ARHGAP26: variants seen among roughly 807,000 people sequenced by gnomAD.
ARHGAP26 encodes Rho GTPase activating protein 26, also known as rho GTPase-activating protein 26.
In ARHGAP26, 38 loss-of-function variants were observed where a neutral mutation model predicts 104.8. That is an observed-to-expected ratio of 0.36 (90% CI 0.28 to 0.48). The LOEUF is 0.48. ARHGAP26 is among the 20% of genes least tolerant of loss of function. The pLI, the probability that ARHGAP26 is intolerant of heterozygous loss-of-function variation, is 0.99. For missense variants in ARHGAP26, 704 were observed against 947.9 expected, an observed-to-expected ratio of 0.74 and a Z score of 3.38; for synonymous variants, 341 against 340.0, an observed-to-expected ratio of 1.00 and a Z score of -0.03.
intron 12 of ARHGAP26, among the ~76,000 whole-genome samples, chr5:143,033,210 T>C (rs1782143171): frequency 6.6e-6 from 1 of 152,226 alleles, no homozygotes; most frequent in Non-Finnish European, 1.5e-5. Context: ...AAGACCTTTA[T>C]GTGTAACATC....
At chr5:142,945,237 G>A (rs773218051) in intron 11 of ARHGAP26, among the ~76,000 whole-genome samples, 33 of 152,298 alleles carry the variant, frequency 2.2e-4, no homozygotes, top group Non-Finnish European at 3.5e-4. Flanking sequence ...TGAGGGATAT[G>A]GGTCTCTGCC....
At chr5:143,152,282 C>T (rs1799941827) in intron 20 of ARHGAP26, among the ~76,000 whole-genome samples, 1 of 151,936 alleles carries the variant, frequency 6.6e-6, no homozygotes, top group African/African-American at 2.4e-5. Context: ...CAGTGTATCG[C>T]GTTAATGCAA....
intron 20 of ARHGAP26, among the ~76,000 whole-genome samples, chr5:143,204,164 T>G (rs1162764398): frequency 6.6e-6 from 1 of 152,222 alleles, no homozygotes; most frequent in Non-Finnish European, 1.5e-5. Context: ...GCAGTCACTT[T>G]ATACCAAATG....
At chr5:142,902,213 G>A (rs1261221925) in intron 7 of ARHGAP26, among the ~76,000 whole-genome samples, 174 bp downstream of exon 7, 1 of 152,148 alleles carries the variant, frequency 6.6e-6, no homozygotes, top group Non-Finnish European at 1.5e-5. Context: ...GTGGTTCTGA[G>A]TTAGACCATC....
Position 142,932,210 on chromosome 5 carries a change from T to C in ARHGAP26, c.1107+85T>C, listed in dbSNP as rs1044419017. On this transcript the variant is annotated intron_variant, in intron 11 of 22. Coordinates refer to ENST00000645722, the MANE Select transcript of ARHGAP26 (RefSeq NM_001135608.3). Reference sequence around the variant, plus strand: ...CCTAGTGCAGTGATTTTTGCTGCTGTTCTAAAGCCTTGGGTTCTTGAAACC... The same window carrying C: ...CCTAGTGCAGTGATTTTTGCTGCTGCTCTAAAGCCTTGGGTTCTTGAAACC... The C allele has an allele frequency of 3.0e-5, 39 of 1,291,656 alleles. 1 individual carries two copies. Among genetic ancestry groups the C allele is most frequent in the South Asian group, 2.7e-4 (23 of 84,184 alleles). 80.0% of individuals were successfully genotyped at this position (1,291,656 alleles called of 1,614,324 possible).
intron 11 of ARHGAP26, among the ~76,000 whole-genome samples, chr5:142,995,727 G>A (rs964663184): frequency 2.0e-5 from 3 of 152,086 alleles, no homozygotes; most frequent in Admixed American, 6.6e-5. Context: ...GTTTATTGAG[G>A]CACTATTCAC....
At chr5:142,891,949 C>T (rs1313507315) in intron 5 of ARHGAP26, among the ~76,000 whole-genome samples, 1 of 151,942 alleles carries the variant, frequency 6.6e-6, no homozygotes, top group Non-Finnish European at 1.5e-5. Context: ...TACTTCCCAG[C>T]ATAGCATCTT....
intron 1 of ARHGAP26, among the ~76,000 whole-genome samples, chr5:142,784,367 A>G (rs1480191302): frequency 6.6e-6 from 1 of 152,102 alleles, no homozygotes; most frequent in Non-Finnish European, 1.5e-5. Flanking sequence ...ACTTCATACC[A>G]TACTGCAAGG....
At chr5:142,852,886 A>G (rs182156076) in intron 1 of ARHGAP26, among the ~76,000 whole-genome samples, 1 of 152,230 alleles carries the variant, frequency 6.6e-6, no homozygotes, top group Non-Finnish European at 1.5e-5. Flanking sequence ...CTGTCTCTGC[A>G]TGTCCTGTTG....
intron 20 of ARHGAP26, among the ~76,000 whole-genome samples, chr5:143,162,980 G>A (rs1801452996): frequency 6.6e-6 from 1 of 152,032 alleles, no homozygotes; most frequent in Admixed American, 6.5e-5. Context: ...AGCTGAGTGT[G>A]GTGGTATGCG....
At chr5:142,840,668 G>T (rs1406341137) in intron 1 of ARHGAP26, among the ~76,000 whole-genome samples, 1 of 152,174 alleles carries the variant, frequency 6.6e-6, no homozygotes, top group African/African-American at 2.4e-5. Context: ...GTCAGTAGAG[G>T]CATCAGAAAA....
At chr5:142,807,519 A>G (rs1479781022) in intron 1 of ARHGAP26, among the ~76,000 whole-genome samples, 3 of 152,214 alleles carry the variant, frequency 2.0e-5, no homozygotes, top group Non-Finnish European at 4.4e-5. Flanking sequence ...CATGCTTAGC[A>G]AAACCTCCCT....
chr5:142,828,172 T>C (rs976041411), intron 1 of ARHGAP26, among the ~76,000 whole-genome samples: 5 of 152,230 alleles, frequency 3.3e-5, no homozygotes, highest in Non-Finnish European at 1.5e-5. Flanking sequence ...CGCTGGCAGA[T>C]TGTATGAAAT....
At chr5:142,824,815 A>G (rs1766904336) in intron 1 of ARHGAP26, among the ~76,000 whole-genome samples, 1 of 152,240 alleles carries the variant, frequency 6.6e-6, no homozygotes, top group African/African-American at 2.4e-5. Context: ...CAAGAGTGCC[A>G]CGGAAGGGGC....
intron 17 of ARHGAP26, among the ~76,000 whole-genome samples, chr5:143,076,090 C>T (rs2150404928): frequency 6.6e-6 from 1 of 152,134 alleles, no homozygotes; most frequent in South Asian, 2.1e-4. Flanking sequence ...GCCTGGACCT[C>T]CTGGGCTAAG....
intron 8 of ARHGAP26, among the ~76,000 whole-genome samples, chr5:142,905,873 G>A (rs1488518477): frequency 4.6e-5 from 7 of 152,220 alleles, no homozygotes; most frequent in Non-Finnish European, 5.9e-5. Context: ...ACTACAGTCC[G>A]TATTCCAGTT....
intron 11 of ARHGAP26, among the ~76,000 whole-genome samples, chr5:142,933,531 C>T (rs1440940406): frequency 2.6e-5 from 4 of 152,126 alleles, no homozygotes; most frequent in Admixed American, 6.5e-5. Flanking sequence ...CTCTTAGAGC[C>T]GAGAAGGGAG....
intron 12 of ARHGAP26, among the ~76,000 whole-genome samples, chr5:143,033,592 C>G (rs1301255085): frequency 1.3e-5 from 2 of 152,140 alleles, no homozygotes; most frequent in African/African-American, 4.8e-5. Context: ...CTGTCAGATG[C>G]TAGGTTCTTT....
At position 143,157,990 on chromosome 5, in the gene ARHGAP26, T is replaced by A. The variant is rs76606311; in HGVS notation, c.1988+10609T>A. ...GGTAGCAATAATAATAATACCTACT[T>A]TCAAGGTTATAAGATAATGCCTTCC... On this transcript the variant is annotated intron_variant, in intron 20 of 22. Coordinates refer to ENST00000645722, the MANE Select transcript of ARHGAP26 (RefSeq NM_001135608.3). Among the ~76,000 whole-genome samples the A allele has an allele frequency of 1.6e-3, 242 of 152,310 alleles. 2 individuals carry two copies. In the East Asian group the frequency reaches 0.044, roughly 28 times the overall value.
Sources: allele counts gnomAD v4.1 joint callset (sites outside exome capture counted in the v4.1 genomes callset), GRCh38; gene constraint gnomAD v4.1.1; transcripts MANE v1.5; gene names NCBI Gene and HGNC (gene_info 2026-07-23, HGNC 2026-07-21).